P3H2: variants seen among roughly 807,000 people sequenced by gnomAD.
P3H2 encodes the protein prolyl 3-hydroxylase 2, also known as leprecan-like 1.
In P3H2, 80 loss-of-function variants were observed where a neutral mutation model predicts 87.0. That is an observed-to-expected ratio of 0.92 (90% CI 0.77 to 1.11). P3H2 has a LOEUF of 1.11. P3H2 is among the 50% of genes least tolerant of loss of function. The pLI is 0.00. For missense variants in P3H2, 1,001 were observed against 923.9 expected (o/e 1.08, Z -1.08); for synonymous variants, 367 against 359.3 (o/e 1.02, Z -0.24).
chr3:190,120,125 C>T, intron 1 of P3H2, 127 bp downstream of exon 1: 2 of 1,088,892 alleles, frequency 1.8e-6, no homozygotes, highest in Non-Finnish European at 2.7e-6. Context: ...GATTCACAAA[C>T]TGAGACACAT....
In P3H2 at chr3:190,105,867, G is replaced by A. The variant is rs2108519049; in HGVS notation, c.480+14385C>T. 2.0e-5 allele frequency among the ~76,000 whole-genome samples: 3 copies of A among 152,272 alleles called. 1 individual carries two copies. In the South Asian group the frequency reaches 6.2e-4, roughly 32 times the overall value. On this transcript the variant is annotated intron_variant, in intron 1 of 14. Transcript: ENST00000319332. Reference sequence around the variant, plus strand: ...AGAGAAAGCCATTTATGACAGAGCTGGGTGTAGAGATTAAATTGCTTGATT... The same window carrying A: ...AGAGAAAGCCATTTATGACAGAGCTAGGTGTAGAGATTAAATTGCTTGATT...
chr3:190,081,084 T>C (rs1727028049), intron 1 of P3H2, among the ~76,000 whole-genome samples: 1 of 152,126 alleles, frequency 6.6e-6, no homozygotes, highest in South Asian at 2.1e-4. Context: ...AACTGTATAA[T>C]AGAAAAAGCA....
intron 1 of P3H2, among the ~76,000 whole-genome samples, chr3:190,052,317 C>A (rs1726008992): frequency 1.3e-5 from 2 of 152,104 alleles, no homozygotes; most frequent in African/African-American, 4.8e-5. Flanking sequence ...TTTCAGCTCC[C>A]ACTTATGAGT....
At chr3:190,012,406 C>T (rs1173118121) in intron 1 of P3H2, among the ~76,000 whole-genome samples, 1 of 152,180 alleles carries the variant, frequency 6.6e-6, no homozygotes, top group South Asian at 2.1e-4. Flanking sequence ...CTTCCAAAGG[C>T]TCCCCACTGG....
chr3:190,017,331 GA>G (rs537677987), intron 1 of P3H2, among the ~76,000 whole-genome samples: 9 of 150,292 alleles, frequency 6.0e-5, no homozygotes, highest in African/African-American at 2.0e-4. Context: ...CTCTCTCAGG[GA>G]AAAAAAAATA....
intron 13 of P3H2, chr3:189,969,046 G>C (rs57958020): frequency 0.12 from 37,144 of 312,922 alleles, 3,209 homozygotes; most frequent in African/African-American, 0.29. Flanking sequence ...AGAAAACTGG[G>C]CTATATTCTT....
intron 14 of P3H2, chr3:189,963,559 C>A (rs1722878953): frequency 4.5e-6 from 1 of 224,660 alleles, no homozygotes; most frequent in Non-Finnish European, 9.0e-6. Flanking sequence ...ATTCTCCTGC[C>A]TCAGCTTCCC....
intron 1 of P3H2, among the ~76,000 whole-genome samples, 198 bp downstream of exon 1, chr3:190,120,054 G>C (rs1712475948): frequency 6.6e-6 from 1 of 152,180 alleles, no homozygotes; most frequent in African/African-American, 2.4e-5. Flanking sequence ...GAGAAAGAGA[G>C]AAAAAGACTT....
At chr3:190,040,573 G>T (rs1725575760) in intron 1 of P3H2, among the ~76,000 whole-genome samples, 1 of 152,102 alleles carries the variant, frequency 6.6e-6, no homozygotes, top group African/African-American at 2.4e-5. Context: ...TTTTATGTTT[G>T]CTATCACAAA....
intron 1 of P3H2, among the ~76,000 whole-genome samples, chr3:190,055,354 A>G (rs760668105): frequency 7.9e-5 from 12 of 152,188 alleles, no homozygotes; most frequent in Admixed American, 2.0e-4. Context: ...TTAATTTCTA[A>G]AACTTCAGTT....
At chr3:190,073,358 T>G (rs1403414) in intron 1 of P3H2, among the ~76,000 whole-genome samples, 79 of 152,140 alleles carry the variant, frequency 5.2e-4, no homozygotes, top group Non-Finnish European at 8.5e-4. Context: ...AGAAGTGCTG[T>G]GATCCTTGAG....
chr3:189,977,113 G>T (rs140792611), intron 8 of P3H2, among the ~76,000 whole-genome samples: 9 of 152,098 alleles, frequency 5.9e-5, no homozygotes, highest in African/African-American at 2.2e-4. Context: ...GAGACTTTAC[G>T]ATGGGCTGCA....
At chr3:190,043,557 CA>C (rs1196173608) in intron 1 of P3H2, among the ~76,000 whole-genome samples, 1 of 152,184 alleles carries the variant, frequency 6.6e-6, no homozygotes, top group Non-Finnish European at 1.5e-5. Context: ...TATCCCCTCT[CA>C]CTTTATTGAG....
intron 1 of P3H2, among the ~76,000 whole-genome samples, chr3:190,087,637 A>G (rs768546172): frequency 9.2e-5 from 14 of 151,894 alleles, no homozygotes; most frequent in Non-Finnish European, 2.1e-4. Flanking sequence ...GCATTATGGG[A>G]AGTCAGTATT....
chr3:190,067,242 T>G (rs568639069), intron 1 of P3H2, among the ~76,000 whole-genome samples: 85 of 152,176 alleles, frequency 5.6e-4, no homozygotes, highest in Non-Finnish European at 5.9e-4. Context: ...AATCCATCTT[T>G]CAGACTCAAG....
chr3:190,045,774 C>CT (rs1290735875), intron 1 of P3H2, among the ~76,000 whole-genome samples: 1 of 91,368 alleles, frequency 1.1e-5, no homozygotes, highest in Non-Finnish European at 2.6e-5. Flanking sequence ...TTCGTCTTTC[C>CT]TGAAAAAAAA....
At chr3:190,118,465 G>GT (rs984820988) in intron 1 of P3H2, among the ~76,000 whole-genome samples, 4 of 151,732 alleles carry the variant, frequency 2.6e-5, no homozygotes, top group Non-Finnish European at 5.9e-5. Context: ...ACTGATTTCT[G>GT]TAAGACCACC....
intron 1 of P3H2, among the ~76,000 whole-genome samples, chr3:190,109,991 G>A (rs535731195): frequency 6.8e-6 from 1 of 147,754 alleles, no homozygotes; most frequent in East Asian, 1.9e-4. Context: ...TGGGATTACA[G>A]GCATGCACCA....
At chr3:190,075,263 A>G (rs1222144033) in intron 1 of P3H2, among the ~76,000 whole-genome samples, 1 of 152,206 alleles carries the variant, frequency 6.6e-6, no homozygotes, top group African/African-American at 2.4e-5. Context: ...AGGCGGGTGG[A>G]TCACCTGAGA....
Sources: allele counts gnomAD v4.1 joint callset (sites outside exome capture counted in the v4.1 genomes callset), GRCh38; gene constraint gnomAD v4.1.1; transcripts MANE v1.5; gene names NCBI Gene and HGNC (gene_info 2026-07-23, HGNC 2026-07-21).